Variants in PASD1 observed in about 807,000 individuals in gnomAD.
The protein encoded by PASD1 is circadian clock protein PASD1.
Under a neutral mutation model 58.8 loss-of-function variants are expected in PASD1, and 13 were observed. The observed-to-expected ratio is 0.22, with a 90% CI of 0.14 to 0.35. PASD1 has a LOEUF of 0.35. Ranked by LOEUF, PASD1 falls within the 10% of genes least tolerant of loss-of-function variation. The pLI, the probability that PASD1 is intolerant of heterozygous loss-of-function variation, is 1.00. For synonymous variants in PASD1, 236 were observed against 216.7 expected (o/e 1.09, Z -0.78); for missense variants, 734 against 568.3 (o/e 1.29, Z -2.96).
Position 151,659,803 on chromosome X carries a change from A to G in PASD1, c.808A>G (p.Thr270Ala). 1 of 1,207,060 alleles carries G rather than the reference A, an allele frequency of 8.3e-7. No individual in the cohort carries two copies. Among genetic ancestry groups the G allele is most frequent in the Non-Finnish European group, 1.1e-6 (1 of 891,426 alleles). Residue 270 changes from threonine (T) to alanine (A), a missense_variant, in exon 10 of 16, where the codon ACA (threonine) becomes GCA (alanine). Coordinates refer to ENST00000370357, the MANE Select transcript of PASD1 (RefSeq NM_173493.3). Reference sequence around the variant, plus strand: ...TTCTGATTCAACTTATTGCTCCAGTACAGTTTTCCTGGATACTATGCCTGA... The same window carrying G: ...TTCTGATTCAACTTATTGCTCCAGTGCAGTTTTCCTGGATACTATGCCTGA... ...VDSDSTYCSSTVFLDTMPESP... is the reference protein window; with the variant it reads ...VDSDSTYCSSAVFLDTMPESP...
At chrX:151,599,075 C>G (rs1316727095) in intron 1 of PASD1, among the ~76,000 whole-genome samples, 1 of 111,859 alleles carries the variant, frequency 8.9e-6, no homozygotes, top group Admixed American at 9.4e-5. Flanking sequence ...ACATCTTGCA[C>G]CGCCCTTAAT....
intron 5 of PASD1, 141 bp downstream of exon 5, chrX:151,621,170 A>G (rs1180401468): frequency 2.4e-6 from 1 of 411,902 alleles, no homozygotes; most frequent in East Asian, 4.1e-5. Flanking sequence ...AATATTACAA[A>G]CTCTATTTCT....
At chrX:151,582,813 ACTCT>A (rs1321517825) in intron 1 of PASD1, among the ~76,000 whole-genome samples, 1 of 57,023 alleles carries the variant, frequency 1.8e-5, no homozygotes, top group African/African-American at 5.1e-5. Flanking sequence ...TGGAAACCAA[ACTCT>A]CTCTCCTATT....
intron 1 of PASD1, among the ~76,000 whole-genome samples, chrX:151,588,614 T>C (rs767428009): frequency 9.0e-6 from 1 of 111,434 alleles, no homozygotes; most frequent in Non-Finnish European, 1.9e-5. Context: ...ATAGTACTCA[T>C]TCTGACAAAT....
At chrX:151,601,381 C>T (rs915125008) in intron 1 of PASD1, 146 bp from the exon 2 acceptor site, 1 of 420,633 alleles carries the variant, frequency 2.4e-6, no homozygotes, top group Non-Finnish European at 4.1e-6. Flanking sequence ...GTTATTGGTA[C>T]TTAATGAAAG....
intron 3 of PASD1, among the ~76,000 whole-genome samples, chrX:151,610,765 T>C (rs2013546026): frequency 8.9e-6 from 1 of 111,769 alleles, no homozygotes; most frequent in African/African-American, 3.3e-5. Flanking sequence ...ACAGGTAGTA[T>C]ATGAATTCTA....
intron 1 of PASD1, among the ~76,000 whole-genome samples, chrX:151,587,364 C>A (rs1267002864): frequency 9.1e-6 from 1 of 109,983 alleles, no homozygotes; most frequent in Admixed American, 9.7e-5. Context: ...ATTCATCCAC[C>A]AAACATTTAT....
chrX:151,615,446 A>G (rs988627171), intron 4 of PASD1, among the ~76,000 whole-genome samples: 2 of 111,764 alleles, frequency 1.8e-5, no homozygotes, highest in African/African-American at 6.5e-5. Context: ...TTGTACATAA[A>G]CATTAAATGG....
At chrX:151,606,495 A>G (rs1388983940) in intron 3 of PASD1, among the ~76,000 whole-genome samples, 4 of 111,349 alleles carry the variant, frequency 3.6e-5, no homozygotes, top group African/African-American at 1.3e-4. Context: ...GCCTCCTGAC[A>G]TCTGCATAAC....
chrX:151,577,478 T>G (rs753675669), intron 1 of PASD1, among the ~76,000 whole-genome samples: 27 of 112,368 alleles, frequency 2.4e-4, no homozygotes, highest in Non-Finnish European at 4.5e-4. Context: ...TATACCATAA[T>G]GCACAGTCAT....
rs140452680 is a variant in PASD1 at position 151,671,759 on chromosome X, C to T, written c.1417C>T (p.Pro473Ser). The change falls in exon 13 of 16, where the codon CCT (proline) becomes TCT (serine). Residue 473 changes from proline (P) to serine (S), a missense_variant. Transcript: ENST00000370357. ...SLKNTGELQEPCVAFNQQQLV... is the reference protein window; with the variant it reads ...SLKNTGELQESCVAFNQQQLV... ...CAAAAACACTGGGGAGCTTCAGGAG[C>T]CTTGTGTTGCCTTCAACCAGGTATG... The T allele has an allele frequency of 8.9e-5, 107 of 1,204,388 alleles. No homozygotes were observed. The highest frequency in any genetic ancestry group is 1.2e-4 in the Non-Finnish European group (106 of 889,981).
intron 9 of PASD1, among the ~76,000 whole-genome samples, chrX:151,659,243 G>A (rs949458562): frequency 1.1e-4 from 12 of 112,137 alleles, no homozygotes; most frequent in South Asian, 3.7e-4. Flanking sequence ...CAGGAACTCT[G>A]GGAAAATGGC....
chrX:151,573,946 A>G (rs989577227), intron 1 of PASD1, among the ~76,000 whole-genome samples: 1 of 112,442 alleles, frequency 8.9e-6, no homozygotes, highest in African/African-American at 3.2e-5. Flanking sequence ...GAGAAATCAT[A>G]TATTGAACTT....
intron 5 of PASD1, 47 bp from the exon 6 acceptor site, chrX:151,621,435 T>A (rs373688644): frequency 2.1e-6 from 2 of 954,582 alleles, no homozygotes. Flanking sequence ...TAGAATATGG[T>A]AAAGTACAAA....
rs540770169 is a variant in PASD1 at position 151,676,571 on chromosome X, C to T, written c.*428C>T. On this transcript the variant is annotated 3_prime_UTR_variant, in exon 16 of 16. Coordinates refer to ENST00000370357, the MANE Select transcript of PASD1 (RefSeq NM_173493.3). ...TGTTTTGTCTTAGCCACAAGAATTC[C>T]GAGGTCTTGACCCTGATGATCAACC... 2.0e-3 allele frequency: 236 copies of T among 115,747 alleles called. 1 individual carries two copies. The highest frequency in any genetic ancestry group is 3.5e-3 in the Non-Finnish European group (197 of 55,840). The allele number at this position is 115,747 out of a possible 1,213,427, so 9.5% of individuals were successfully genotyped here.
At chrX:151,652,561 AC>A (rs1421167396) in intron 9 of PASD1, among the ~76,000 whole-genome samples, 1 of 109,717 alleles carries the variant, frequency 9.1e-6, no homozygotes, top group African/African-American at 3.3e-5. Flanking sequence ...AAACAAACAA[AC>A]AAAAAAAACT....
At chrX:151,626,328 G>A (rs987789907) in intron 8 of PASD1, among the ~76,000 whole-genome samples, 1 of 111,703 alleles carries the variant, frequency 9.0e-6, no homozygotes, top group Admixed American at 9.6e-5. Context: ...GAGAATAGAA[G>A]CAAATATTCC....
chrX:151,668,359 C>G (rs919524331), intron 11 of PASD1, among the ~76,000 whole-genome samples: 8 of 111,530 alleles, frequency 7.2e-5, no homozygotes, highest in Non-Finnish European at 1.1e-4. Flanking sequence ...ATGAAGCCCA[C>G]TTGATCATAG....
chrX:151,641,647 A>G (rs913237079), intron 8 of PASD1, among the ~76,000 whole-genome samples: 2 of 111,571 alleles, frequency 1.8e-5, no homozygotes, highest in Admixed American at 9.5e-5. Context: ...TCATTGTCTC[A>G]TGAAAGTCAG....
Sources: allele counts gnomAD v4.1 joint callset (sites outside exome capture counted in the v4.1 genomes callset), GRCh38; gene constraint gnomAD v4.1.1; transcripts MANE v1.5; gene names NCBI Gene and HGNC (gene_info 2026-07-23, HGNC 2026-07-21).